The following NPHP4 variants were observed in gnomAD, a reference collection of about 807,000 sequenced individuals.
NPHP4 encodes the protein nephrocystin-4.
A neutral mutation model predicts 155.8 loss-of-function variants in NPHP4; 151 were observed. That is an observed-to-expected ratio of 0.97 (90% confidence interval 0.85 to 1.11). The LOEUF (loss-of-function observed/expected upper bound fraction) is 1.11. Among genes scored for constraint, NPHP4 ranks in the 50% least tolerant of loss-of-function variants. NPHP4 has a pLI of 0.00. For missense variants in NPHP4, 1,956 were observed against 1,925.7 expected (o/e 1.02, Z -0.29); for synonymous variants, 845 against 816.8 (o/e 1.03, Z -0.59).
chr1:5,954,103 C>A (rs1450559012), intron 6 of NPHP4, among the ~76,000 whole-genome samples: 1 of 152,134 alleles, frequency 6.6e-6, no homozygotes, highest in African/African-American at 2.4e-5. Context: ...TCACTTTCTG[C>A]CCCAGTAATT....
chr1:5,879,764 C>G, intron 19 of NPHP4: 1 of 403,324 alleles, frequency 2.5e-6, no homozygotes, highest in South Asian at 2.0e-5. Context: ...ATTAACAGCA[C>G]CACGAATGGT....
chr1:5,914,400 C>T (rs1420459073), intron 11 of NPHP4, among the ~76,000 whole-genome samples: 2 of 151,786 alleles, frequency 1.3e-5, no homozygotes, highest in African/African-American at 4.8e-5. Flanking sequence ...CGCCATTGCA[C>T]TCCAGCCTGG....
intron 9 of NPHP4, among the ~76,000 whole-genome samples, chr1:5,933,642 T>C (rs988503632): frequency 2.6e-5 from 4 of 152,224 alleles, no homozygotes; most frequent in East Asian, 1.9e-4. Context: ...CACTGTTTTA[T>C]GAACCCCTGT....
chr1:5,970,699 G>A (rs1652399131), intron 3 of NPHP4, among the ~76,000 whole-genome samples: 1 of 152,138 alleles, frequency 6.6e-6, no homozygotes, highest in South Asian at 2.1e-4. Flanking sequence ...GCACAAAGAG[G>A]TAAGGAGAGC....
At position 5,866,971 on chromosome 1, in the gene NPHP4, A is replaced by G. The variant is rs12122135; in HGVS notation, c.3558+59T>C. 0.16 allele frequency: 217,098 copies of G among 1,343,784 alleles called. 18,847 individuals are homozygous for G. Among genetic ancestry groups the G allele is most frequent in the Non-Finnish European group, 0.18 (167,686 of 944,930 alleles). The allele number at this position is 1,343,784 out of a possible 1,614,324, so 83.2% of individuals were successfully genotyped here. A position where few individuals can be genotyped will look rare whatever the true frequency, so the allele number is the denominator to read the frequency against. ...TCCCAGGATACCCGTGGGGAAGCCGACAGGGGCGCAGACTCACTGGGAAGG... is the reference window on the plus strand; with the variant it reads ...TCCCAGGATACCCGTGGGGAAGCCGGCAGGGGCGCAGACTCACTGGGAAGG... On this transcript the variant is annotated intron_variant, in intron 25 of 29. Coordinates refer to ENST00000378156, the MANE Select transcript of NPHP4 (RefSeq NM_015102.5).
chr1:5,864,620 A>T, intron 27 of NPHP4, 103 bp from the exon 28 acceptor site: 2 of 1,178,382 alleles, frequency 1.7e-6, no homozygotes, highest in Non-Finnish European at 2.3e-6. Context: ...GCCCAAGGTC[A>T]TGGGTGGTTC....
At chr1:5,962,297 G>A (rs1650474884) in intron 5 of NPHP4, among the ~76,000 whole-genome samples, 1 of 152,068 alleles carries the variant, frequency 6.6e-6, no homozygotes, top group Non-Finnish European at 1.5e-5. Flanking sequence ...CTCCCACCTT[G>A]GCCTCCCAAA....
chr1:5,937,378 G>A (rs1646597923), intron 9 of NPHP4, among the ~76,000 whole-genome samples: 1 of 152,226 alleles, frequency 6.6e-6, no homozygotes, highest in African/African-American at 2.4e-5. Flanking sequence ...TGTTACAGAA[G>A]CCACTGGAAA....
rs370424194 is a variant in NPHP4 at position 5,864,419 on chromosome 1, G to A, written c.3915C>T (p.Leu1305=). ...PLRAGSRFVH[L]NLVDVDCHQL... is the part of the protein sequence containing the mutation. ...GGTGGCAATCCACGTCCACCAGGTTGAGATGGACAAAGCGGCTGCCGGCCC... is the reference window on the plus strand; with the variant it reads ...GGTGGCAATCCACGTCCACCAGGTTAAGATGGACAAAGCGGCTGCCGGCCC... Residue 1305 remains leucine, a synonymous_variant, in exon 28 of 30, where the codon CTC becomes CTT. Transcript: ENST00000378156. 1.2e-5 allele frequency: 20 copies of A among 1,611,670 alleles called. No homozygotes were observed. The African/African-American group carries it at 2.3e-4, about 18-fold the overall frequency.
chr1:5,885,464 G>A (rs924517601), intron 18 of NPHP4, among the ~76,000 whole-genome samples: 4 of 152,244 alleles, frequency 2.6e-5, no homozygotes, highest in East Asian at 1.9e-4. Flanking sequence ...GTCCCTGGAC[G>A]ACAAAAGCTG....
intron 9 of NPHP4, among the ~76,000 whole-genome samples, chr1:5,940,896 C>T (rs1166192881): frequency 6.6e-6 from 1 of 151,494 alleles, no homozygotes; most frequent in Non-Finnish European, 1.5e-5. Flanking sequence ...AAATTTACTG[C>T]AATCCCAATT....
Position 5,875,003 on chromosome 1 carries a change from C to G in NPHP4, c.2915G>C (p.Ser972Thr). Reference protein sequence around the residue: ...TKAESIASLLSLAITTEHTLH... With the variant: ...TKAESIASLLTLAITTEHTLH... The stretch of plus-strand genomic sequence containing the variant: ...CGTGTGCTCCGTGGTGATGGCCAGG[C>G]TCAGCAGGCTGGCGATGCTCTCGGC... Residue 972 changes from serine to threonine, a missense_variant, in exon 21 of 30, where the codon AGC becomes ACC. Ser to Thr is a moderately conservative substitution (Grantham distance 58, BLOSUM62 1). Coordinates refer to ENST00000378156, the MANE Select transcript of NPHP4 (RefSeq NM_015102.5). The G allele has an allele frequency of 6.2e-7, 1 of 1,612,146 alleles. No homozygotes were observed. Among genetic ancestry groups the G allele is most frequent in the Non-Finnish European group, 8.5e-7 (1 of 1,179,878 alleles).
intron 7 of NPHP4, among the ~76,000 whole-genome samples, chr1:5,948,849 A>G (rs1647338354): frequency 6.6e-6 from 1 of 152,230 alleles, no homozygotes; most frequent in Non-Finnish European, 1.5e-5. Context: ...ACTCGATATT[A>G]AAGTGTTTCA....
At chr1:5,988,714 G>C (rs970416838) in intron 1 of NPHP4, among the ~76,000 whole-genome samples, 4 of 152,168 alleles carry the variant, frequency 2.6e-5, no homozygotes, top group African/African-American at 9.7e-5. Context: ...TGTGGGAACC[G>C]AGAGGACATG....
intron 10 of NPHP4, among the ~76,000 whole-genome samples, chr1:5,932,024 T>C (rs776590063): frequency 6.6e-6 from 1 of 151,618 alleles, no homozygotes; most frequent in Non-Finnish European, 1.5e-5. Context: ...CAGTGAACTA[T>C]GATCGTGCCA....
rs1644090605 is a variant in NPHP4, at chr1:5,890,898, C to G, written c.2274G>C (p.Leu758=). The change falls in exon 17 of 30, where the codon CTG becomes CTC. Residue 758 remains leucine (L), a synonymous_variant. Coordinates refer to ENST00000378156, the MANE Select transcript of NPHP4 (RefSeq NM_015102.5). This position sits in a 1 kb window ranked among gnomAD's most constrained non-coding sequence, Gnocchi z 4.9. The part of the protein sequence containing the change: ...QIDVWDGDSL[L]LIGSAAVQMK... ...TCTGGACGGCAGCAGATCCGATGAG[C>G]AGCAGGGAGTCTCCGTCCCAGACGT... The G allele has an allele frequency of 6.2e-7, 1 of 1,610,586 alleles. No individual in the cohort carries two copies. The highest frequency in any genetic ancestry group is 1.1e-5 in the South Asian group (1 of 90,570).
intron 11 of NPHP4, among the ~76,000 whole-genome samples, chr1:5,917,676 T>A (rs888608205): frequency 1.7e-4 from 26 of 152,226 alleles, no homozygotes; most frequent in African/African-American, 6.3e-4. Flanking sequence ...AATGTACAGA[T>A]GAATGAAACA....
At chr1:5,909,375 G>A (rs1645067990) in intron 11 of NPHP4, among the ~76,000 whole-genome samples, 162 bp from the exon 12 acceptor site, 1 of 152,152 alleles carries the variant, frequency 6.6e-6, no homozygotes, top group South Asian at 2.1e-4. Flanking sequence ...CAGCAAGGGT[G>A]CCACCCAAAA....
chr1:5,952,822 T>C lies in NPHP4; in HGVS notation c.688A>G (p.Lys230Glu), dbSNP rs750471976. Residue 230 changes from lysine (K) to glutamate (E), a missense_variant, in exon 7 of 30, where the codon AAG becomes GAG. Transcript: ENST00000378156. The stretch of plus-strand genomic sequence containing the variant: ...GTGATGGGCTTCTGGAGGCGAGGCT[T>C]TCGGAGAGCGTCGCCTGAAACAGTG... ...AHGESGDALR[K>E]PRLQKPITGH... The C allele has an allele frequency of 1.2e-6, 2 of 1,601,110 alleles. No individual in the cohort carries two copies. Among genetic ancestry groups the C allele is most frequent in the South Asian group, 1.1e-5 (1 of 88,408 alleles).
Sources: gnomAD v4.1 joint callset for allele counts (sites outside exome capture counted in the v4.1 genomes callset) on GRCh38, gnomAD v4.1.1 for gene constraint, Gnocchi (gnomAD v3.1) non-coding constraint, MANE v1.5 for transcripts, NCBI Gene and HGNC (gene_info 2026-07-23, HGNC 2026-07-21) for gene names.